C6orf89: variants seen among roughly 807,000 people sequenced by gnomAD.
C6orf89 encodes the protein bombesin receptor-activated protein C6orf89.
C6orf89 carries 29 observed loss-of-function variants against 40.7 expected under a neutral mutation model. The ratio of observed to expected loss-of-function variants is 0.71; its 90% CI spans 0.53 to 0.97. The LOEUF is 0.97. Among genes scored for constraint, C6orf89 ranks in the 50% least tolerant of loss-of-function variants. C6orf89 has a pLI of 0.00. For synonymous variants in C6orf89, 165 were observed against 152.2 expected (o/e 1.08, Z -0.62); for missense variants, 392 against 429.1 (o/e 0.91, Z 0.76).
At chr6:36,901,314 TATTATTA>T (rs1373438147) in intron 3 of C6orf89, among the ~76,000 whole-genome samples, 9 of 67,132 alleles carry the variant, frequency 1.3e-4, no homozygotes, top group Admixed American at 3.5e-4. Flanking sequence ...TTATTATTAT[TATTATTA>T]TTTTTTTTTT....
intron 1 of C6orf89, chr6:36,875,086 C>T: frequency 2.7e-6 from 1 of 370,624 alleles, no homozygotes. Context: ...ACCAGAAAAG[C>T]TGCGCTCTGG....
At chr6:36,919,796 T>G (rs1319665924) in intron 8 of C6orf89, 95 bp downstream of exon 8, 1 of 1,310,100 alleles carries the variant, frequency 7.6e-7, no homozygotes, top group African/African-American at 1.5e-5. Context: ...CACAAAAGTT[T>G]TATTTAGTAG....
chr6:36,904,336 A>T (rs1761846915), intron 4 of C6orf89, among the ~76,000 whole-genome samples: 1 of 152,258 alleles, frequency 6.6e-6, no homozygotes, highest in African/African-American at 2.4e-5. Flanking sequence ...TGCCTTGCAG[A>T]TGGAAATAAA....
At chr6:36,892,050 A>G (rs539160721) in intron 1 of C6orf89, among the ~76,000 whole-genome samples, 3 of 152,358 alleles carry the variant, frequency 2.0e-5, no homozygotes, top group African/African-American at 7.2e-5. Context: ...GGTAAGTTCT[A>G]TCAGAGTTTT....
chr6:36,920,280 A>C (rs141581303), intron 8 of C6orf89, among the ~76,000 whole-genome samples: 1 of 152,304 alleles, frequency 6.6e-6, no homozygotes, highest in African/African-American at 2.4e-5. Context: ...TGTTTGCCCA[A>C]ATGTGACTTG....
upstream of C6orf89, among the ~76,000 whole-genome samples, chr6:36,882,555 T>C (rs1199992326): frequency 6.6e-6 from 1 of 152,174 alleles, no homozygotes; most frequent in Non-Finnish European, 1.5e-5. Flanking sequence ...ATAATCCAAA[T>C]TTAATATATT....
intron 6 of C6orf89, among the ~76,000 whole-genome samples, chr6:36,914,948 C>T (rs1203201552): frequency 1.3e-5 from 2 of 152,210 alleles, no homozygotes; most frequent in African/African-American, 2.4e-5. Context: ...TGAGATCGCG[C>T]CATTGCCCTC....
At position 36,885,982 on chromosome 6, in the gene C6orf89, CA is replaced by C. The variant is rs1361058978; in HGVS notation, c.-165del. 1.6e-6 allele frequency: 2 copies of C among 1,243,702 alleles called. No homozygotes were observed. Among genetic ancestry groups the C allele is most frequent in the Admixed American group, 9.4e-5 (2 of 21,186 alleles). The allele number at this position is 1,243,702 out of a possible 1,614,324, so 77.0% of individuals were successfully genotyped here. A position where few individuals can be genotyped will look rare whatever the true frequency, so the allele number is the denominator to read the frequency against. On this transcript the variant is annotated 5_prime_UTR_variant, in exon 1 of 9. Transcript: ENST00000480824. ...GTTGCCCATCCTCCTCGCCCGGCGG[CA>C]GCTGTCCCCGAGGCGGGAGGAGCCC...
At chr6:36,881,787 T>C (rs13207209), upstream of C6orf89, among the ~76,000 whole-genome samples, 1 of 151,964 alleles carries the variant, frequency 6.6e-6, no homozygotes, top group African/African-American at 2.4e-5. Context: ...AAATGGGACA[T>C]TGGAATAAAA....
chr6:36,923,773 A>G lies in C6orf89; in HGVS notation c.*332A>G, dbSNP rs1326196621. On this transcript the variant is annotated 3_prime_UTR_variant, in exon 9 of 9. Coordinates refer to ENST00000480824, the MANE Select transcript of C6orf89 (RefSeq NM_001286635.2). ...GGAAACAGGGCTGGTGCCTTTCTTC[A>G]CCTGCATGGCCAGCTTCCTTCCCTG... 24 of 360,398 alleles carry G rather than the reference A, an allele frequency of 6.7e-5. No homozygotes were observed. Among genetic ancestry groups the G allele is most frequent in the Non-Finnish European group, 9.7e-5 (18 of 184,722 alleles). 22.3% of individuals were successfully genotyped at this position (360,398 alleles called of 1,614,324 possible).
In C6orf89 at chr6:36,910,498, C is replaced by T. The variant is rs1001880150; in HGVS notation, c.404-3786C>T. Among the ~76,000 whole-genome samples, 7 of 152,030 alleles carry T rather than the reference C, an allele frequency of 4.6e-5. No individual in the cohort carries two copies. The East Asian group carries it at 7.7e-4, about 17-fold the overall frequency. On this transcript the variant is annotated intron_variant, in intron 4 of 8. Coordinates refer to ENST00000480824, the MANE Select transcript of C6orf89 (RefSeq NM_001286635.2). ...ATTCCAGCACTTTGGGAGGCCAAGG[C>T]GGGTGGATTGCTTGAGCTCTGGAGT...
chr6:36,874,314 T>A (rs991448701), intron 1 of C6orf89, among the ~76,000 whole-genome samples: 1 of 152,262 alleles, frequency 6.6e-6, no homozygotes, highest in Admixed American at 6.5e-5. Flanking sequence ...GTATTACTTA[T>A]CACGTAATGT....
chr6:36,928,333 T>C lies in C6orf89; in HGVS notation c.*4892T>C, dbSNP rs1288749192. 4 of 152,412 alleles carry C rather than the reference T, an allele frequency of 2.6e-5. No individual in the cohort carries two copies. In the East Asian group the frequency reaches 7.7e-4, roughly 29 times the overall value. 9.4% of individuals were successfully genotyped at this position (152,412 alleles called of 1,614,324 possible). On this transcript the variant is annotated 3_prime_UTR_variant, in exon 9 of 9. Coordinates refer to ENST00000480824, the MANE Select transcript of C6orf89 (RefSeq NM_001286635.2). ...AGACAGAAACTGGGGAGTTGGGACA[T>C]CTTCTCTGTGCCAGGCTTCATTGAC...
intron 4 of C6orf89, among the ~76,000 whole-genome samples, chr6:36,905,829 A>T (rs1761906006): frequency 6.6e-6 from 1 of 152,182 alleles, no homozygotes; most frequent in South Asian, 2.1e-4. Context: ...CCCATTTTAT[A>T]AAAGAGGTAA....
At chr6:36,908,069 A>C (rs1023085866) in intron 4 of C6orf89, among the ~76,000 whole-genome samples, 1 of 151,964 alleles carries the variant, frequency 6.6e-6, no homozygotes, top group African/African-American at 2.4e-5. Flanking sequence ...CCTGCACCCT[A>C]CCTCCACCCC....
At chr6:36,921,070 A>G (rs1762493527) in intron 8 of C6orf89, among the ~76,000 whole-genome samples, 1 of 152,154 alleles carries the variant, frequency 6.6e-6, no homozygotes, top group South Asian at 2.1e-4. Flanking sequence ...GGTGCATGAT[A>G]CCTGCTGTGC....
intron 4 of C6orf89, 94 bp from the exon 5 acceptor site, chr6:36,914,190 A>G: frequency 8.8e-7 from 1 of 1,136,160 alleles, no homozygotes; most frequent in Non-Finnish European, 1.3e-6. Flanking sequence ...AGTCATTATG[A>G]TGTCTTTCCT....
At chr6:36,921,732 A>G (rs560566792) in intron 8 of C6orf89, among the ~76,000 whole-genome samples, 1 of 152,166 alleles carries the variant, frequency 6.6e-6, no homozygotes, top group East Asian at 2.0e-4. Flanking sequence ...AGTGTACAAG[A>G]CAGCATTGTT....
chr6:36,890,085 A>G (rs1761136605), intron 1 of C6orf89, among the ~76,000 whole-genome samples: 1 of 152,224 alleles, frequency 6.6e-6, no homozygotes, highest in African/African-American at 2.4e-5. Flanking sequence ...GATCCATGCC[A>G]TCAACCTATC....
Sources: allele counts gnomAD v4.1 joint callset (sites outside exome capture counted in the v4.1 genomes callset), GRCh38; gene constraint gnomAD v4.1.1; transcripts MANE v1.5; gene names NCBI Gene and HGNC (gene_info 2026-07-23, HGNC 2026-07-21).